Variants in CACNA1B observed in about 807,000 individuals in gnomAD.
CACNA1B encodes calcium voltage-gated channel subunit alpha1 B.
CACNA1B carries 70 observed loss-of-function variants against 247.2 expected under a neutral mutation model. The ratio of observed to expected loss-of-function variants is 0.28; its 90% CI spans 0.23 to 0.35. The LOEUF (loss-of-function observed/expected upper bound fraction) is 0.35. Ranked by LOEUF, CACNA1B falls within the 10% of genes least tolerant of loss-of-function variation. The pLI is 1.00. For synonymous variants in CACNA1B, 1,231 were observed against 1,294.4 expected (o/e 0.95, Z 1.05); for missense variants, 2,367 against 3,197.4 (o/e 0.74, Z 6.26).
At chr9:137,946,705 C>T (rs1190937079) in intron 6 of CACNA1B, among the ~76,000 whole-genome samples, 1 of 152,196 alleles carries the variant, frequency 6.6e-6, no homozygotes, top group Non-Finnish European at 1.5e-5. Flanking sequence ...TAGAGTGGCC[C>T]CAGCCAGAGA....
intron 5 of CACNA1B, among the ~76,000 whole-genome samples, chr9:137,916,030 ATTT>A (rs571447142): frequency 2.3e-5 from 3 of 129,544 alleles, no homozygotes; most frequent in African/African-American, 2.9e-5. Flanking sequence ...TTGTTATACA[ATTT>A]TTTTTTTTTT....
At chr9:137,878,646 G>A (rs991767725) in intron 1 of CACNA1B, among the ~76,000 whole-genome samples, 5 of 152,170 alleles carry the variant, frequency 3.3e-5, no homozygotes, top group South Asian at 2.1e-4. Context: ...CTACATGCAT[G>A]TTCACGTGCC....
chr9:138,046,971 G>A lies in CACNA1B; in HGVS notation c.3481G>A (p.Ala1161Thr), dbSNP rs200326973. ...CGAGGTGGTCATTCTCGTGGTCATC[G>A]CCTTGAGCAGCATCGCCCTGGCTGC... Reference protein sequence around the residue: ...YFEVVILVVIALSSIALAAED... With the variant: ...YFEVVILVVITLSSIALAAED... Residue 1161 changes from alanine to threonine, a missense_variant, in exon 22 of 47, where the codon GCC (alanine) becomes ACC (threonine). Ala to Thr is a moderately conservative substitution (Grantham distance 58, BLOSUM62 0). Transcript: ENST00000371372. 1.5e-5 allele frequency: 25 copies of A among 1,613,552 alleles called. No homozygotes were observed. Among genetic ancestry groups the A allele is most frequent in the East Asian group, 6.7e-5 (3 of 44,876 alleles).
intron 20 of CACNA1B, among the ~76,000 whole-genome samples, chr9:138,025,829 C>A (rs1390419355): frequency 6.6e-6 from 1 of 152,140 alleles, no homozygotes; most frequent in Non-Finnish European, 1.5e-5. Context: ...AATACAGGCC[C>A]CTTACGTGGT....
rs1244082440 is a variant in CACNA1B, at chr9:137,971,832, C to A, written c.1543+240C>A. Among the ~76,000 whole-genome samples, 1 of 152,188 alleles carries A rather than the reference C, an allele frequency of 6.6e-6. No homozygotes were observed. Among genetic ancestry groups the A allele is most frequent in the Non-Finnish European group, 1.5e-5 (1 of 68,022 alleles). ...AGAAAGCACAGCTGGATCTGCTAGACCCCTGTCCCTCAGCATAGTGTGAGA... is the reference window on the plus strand; with the variant it reads ...AGAAAGCACAGCTGGATCTGCTAGAACCCTGTCCCTCAGCATAGTGTGAGA... On this transcript the variant is annotated intron_variant, in intron 11 of 46. Coordinates refer to ENST00000371372, the MANE Select transcript of CACNA1B (RefSeq NM_000718.4). This position sits in a 1 kb window ranked among gnomAD's most constrained non-coding sequence, Gnocchi z 4.4.
chr9:138,098,360 G>C (rs1961127407), intron 37 of CACNA1B, among the ~76,000 whole-genome samples: 1 of 152,212 alleles, frequency 6.6e-6, no homozygotes, highest in Non-Finnish European at 1.5e-5. Flanking sequence ...TCCAGCCGAG[G>C]CAGGATTTAG....
chr9:138,114,040 A>T (rs1480667285), intron 40 of CACNA1B, among the ~76,000 whole-genome samples: 1 of 151,176 alleles, frequency 6.6e-6, no homozygotes, highest in African/African-American at 2.4e-5. Flanking sequence ...GAGGGAGCGC[A>T]GGAAGGTGCC....
At chr9:138,104,372 TCCCCAACGCC>T (rs955198590) in intron 38 of CACNA1B, among the ~76,000 whole-genome samples, 3 of 152,078 alleles carry the variant, frequency 2.0e-5, no homozygotes, top group Non-Finnish European at 4.4e-5. Context: ...CTCACTGCTA[TCCCCAACGCC>T]CCCCAACGCC....
At chr9:137,997,773 T>C (rs1271195397) in intron 15 of CACNA1B, among the ~76,000 whole-genome samples, 1 of 152,226 alleles carries the variant, frequency 6.6e-6, no homozygotes, top group African/African-American at 2.4e-5. Context: ...TCCACTGGAA[T>C]TGGCACGAGC....
rs1960192071 is a variant in CACNA1B, at chr9:138,073,307, C to T, written c.4675-181C>T. Among the ~76,000 whole-genome samples, 1 of 152,198 alleles carries T rather than the reference C, an allele frequency of 6.6e-6. No homozygotes were observed. Among genetic ancestry groups the T allele is most frequent in the East Asian group, 1.9e-4 (1 of 5,194 alleles). ...TGATTTGCAAGGACAAGCTTTACTTCTGGAAGATTTTCTGGTGGCCGATTG... is the reference window on the plus strand; with the variant it reads ...TGATTTGCAAGGACAAGCTTTACTTTTGGAAGATTTTCTGGTGGCCGATTG... On this transcript the variant is annotated intron_variant, in intron 32 of 46. Transcript: ENST00000371372. This position sits in a 1 kb window ranked among gnomAD's most constrained non-coding sequence, Gnocchi z 6.4.
intron 15 of CACNA1B, among the ~76,000 whole-genome samples, chr9:137,995,233 A>G (rs939894359): frequency 2.6e-5 from 4 of 151,468 alleles, no homozygotes; most frequent in African/African-American, 7.3e-5. Flanking sequence ...AAAAAACAAA[A>G]TCAGCAAAAA....
intron 26 of CACNA1B, among the ~76,000 whole-genome samples, chr9:138,055,523 C>T (rs981032052): frequency 7.2e-5 from 11 of 152,050 alleles, no homozygotes; most frequent in African/African-American, 1.5e-4. Flanking sequence ...ATCCCAAGGC[C>T]AGGGATGTTT....
At position 137,952,271 on chromosome 9, in the gene CACNA1B, C is replaced by T. The variant is rs762895331; in HGVS notation, c.967-3C>T. The T allele has an allele frequency of 6.8e-6, 11 of 1,612,972 alleles. No individual in the cohort carries two copies. The African/African-American group carries it at 1.3e-4, about 20-fold the overall frequency. ...TTCCTCATCTCCCTCTCCTTGCTTCCAGACAAACGATGCGGCCGGCAACAC... is the reference window on the plus strand; with the variant it reads ...TTCCTCATCTCCCTCTCCTTGCTTCTAGACAAACGATGCGGCCGGCAACAC... On this transcript the variant is annotated splice_region_variant and splice_polypyrimidine_tract_variant and intron_variant, in intron 6 of 46. Coordinates refer to ENST00000371372, the MANE Select transcript of CACNA1B (RefSeq NM_000718.4). The surrounding 1 kb of genome is among the most constrained non-coding windows in gnomAD (Gnocchi z 4.8).
chr9:137,901,878 A>G (rs529721170), intron 3 of CACNA1B, among the ~76,000 whole-genome samples: 3 of 151,766 alleles, frequency 2.0e-5, no homozygotes, highest in African/African-American at 7.3e-5. Context: ...TTTAATAGAG[A>G]CGGGGTTTCA....
intron 20 of CACNA1B, among the ~76,000 whole-genome samples, chr9:138,028,621 T>TA (rs1362021254): frequency 1.3e-5 from 2 of 152,226 alleles, no homozygotes; most frequent in Non-Finnish European, 2.9e-5. Flanking sequence ...GGCTTTATTC[T>TA]AGTGAATAGT....
At chr9:137,931,109 C>A (rs1019659109) in intron 6 of CACNA1B, among the ~76,000 whole-genome samples, 2 of 151,962 alleles carry the variant, frequency 1.3e-5, no homozygotes, top group Admixed American at 6.6e-5. Flanking sequence ...ACGAGTTGTC[C>A]AGGTTCTTGG....
intron 3 of CACNA1B, among the ~76,000 whole-genome samples, chr9:137,907,364 A>C (rs1957310696): frequency 6.6e-6 from 1 of 152,208 alleles, no homozygotes; most frequent in African/African-American, 2.4e-5. Context: ...CTACCCCAGA[A>C]TGTGCCTGGG....
intron 31 of CACNA1B, among the ~76,000 whole-genome samples, chr9:138,063,719 T>G (rs572915500): frequency 1.8e-4 from 28 of 152,384 alleles, no homozygotes; most frequent in Admixed American, 3.9e-4. Flanking sequence ...CAGTGGGTAC[T>G]GAGCCTGGGT....
chr9:137,881,206 C>T lies in CACNA1B; in HGVS notation c.391-1538C>T, dbSNP rs575549114. ...ACCCCACCCCTTGGGAAAAGGGGTCCCTCCTAAACAAATCAGACCAGAAGG... is the reference window on the plus strand; with the variant it reads ...ACCCCACCCCTTGGGAAAAGGGGTCTCTCCTAAACAAATCAGACCAGAAGG... On this transcript the variant is annotated intron_variant, in intron 2 of 46. Transcript: ENST00000371372. This position sits in a 1 kb window ranked among gnomAD's most constrained non-coding sequence, Gnocchi z 4.3. Among the ~76,000 whole-genome samples, 2 of 152,228 alleles carry T rather than the reference C, an allele frequency of 1.3e-5. No homozygotes were observed. Among genetic ancestry groups the T allele is most frequent in the African/African-American group, 4.8e-5 (2 of 41,538 alleles).
Sources: gnomAD v4.1 joint callset for allele counts (sites outside exome capture counted in the v4.1 genomes callset) on GRCh38, gnomAD v4.1.1 for gene constraint, Gnocchi (gnomAD v3.1) non-coding constraint, MANE v1.5 for transcripts, NCBI Gene and HGNC (gene_info 2026-07-23, HGNC 2026-07-21) for gene names.